CHODL: variants seen among roughly 807,000 people sequenced by gnomAD.
The protein encoded by CHODL is transmembrane protein MT75.
Under a neutral mutation model 34.5 loss-of-function variants are expected in CHODL, and 29 were observed. The observed-to-expected ratio is 0.84, with a 90% CI of 0.63 to 1.15. CHODL has a LOEUF of 1.15. Among genes scored for constraint, CHODL ranks in the 50% most tolerant of loss-of-function variants. The pLI, the probability that CHODL is intolerant of heterozygous loss-of-function variation, is 0.00. For synonymous variants in CHODL, 125 were observed against 116.1 expected (o/e 1.08, Z -0.49); for missense variants, 332 against 332.5 (o/e 1.00, Z 0.01).
intron 2 of CHODL, among the ~76,000 whole-genome samples, chr21:18,042,785 G>A (rs1255817929): frequency 1.3e-5 from 2 of 151,786 alleles, no homozygotes; most frequent in Non-Finnish European, 2.9e-5. Context: ...ATAGTTGCTG[G>A]GACACGAATA....
intron 2 of CHODL, among the ~76,000 whole-genome samples, chr21:18,083,643 G>A (rs1340562341): frequency 1.3e-5 from 2 of 152,202 alleles, no homozygotes; most frequent in Non-Finnish European, 2.9e-5. Flanking sequence ...CCCTGGATGT[G>A]AGACATGGAG....
chr21:18,075,195 C>T (rs1406057615), intron 2 of CHODL, among the ~76,000 whole-genome samples: 1 of 152,150 alleles, frequency 6.6e-6, no homozygotes, highest in Non-Finnish European at 1.5e-5. Flanking sequence ...CTAAAGAATG[C>T]TCTCAGCCTC....
intron 1 of CHODL, among the ~76,000 whole-genome samples, chr21:17,974,048 T>C (rs1203074299): frequency 6.6e-6 from 1 of 152,180 alleles, no homozygotes; most frequent in African/African-American, 2.4e-5. Flanking sequence ...GTGAGATTCC[T>C]CCAGGAAGGG....
chr21:18,264,456 G>A (rs895505349), intron 5 of CHODL, among the ~76,000 whole-genome samples: 1 of 151,986 alleles, frequency 6.6e-6, no homozygotes, highest in Non-Finnish European at 1.5e-5. Context: ...ACAAAAAATA[G>A]CCAGGCGTGG....
intron 1 of CHODL, among the ~76,000 whole-genome samples, chr21:18,007,046 T>C (rs1328366492): frequency 6.6e-6 from 1 of 152,192 alleles, no homozygotes; most frequent in East Asian, 1.9e-4. Flanking sequence ...TGAAATGAGA[T>C]TGAAAAATCA....
At chr21:17,923,275 C>CT (rs111658435) in intron 1 of CHODL, among the ~76,000 whole-genome samples, 3,166 of 146,460 alleles carry the variant, frequency 0.022, 103 homozygotes, top group African/African-American at 0.071. Context: ...TTTTCTGCCT[C>CT]TTTTTTTTTT....
At chr21:18,208,603 C>T (rs1236904643) in intron 2 of CHODL, among the ~76,000 whole-genome samples, 1 of 152,104 alleles carries the variant, frequency 6.6e-6, no homozygotes. Flanking sequence ...AGTCTTCATA[C>T]TCTGGGCTTG....
intron 1 of CHODL, among the ~76,000 whole-genome samples, chr21:17,948,530 CTAAA>C (rs1038475625): frequency 6.6e-6 from 1 of 151,182 alleles, no homozygotes; most frequent in African/African-American, 2.4e-5. Flanking sequence ...TTTAGCTAGA[CTAAA>C]TAAGAAAAAA....
At chr21:17,921,155 A>G (rs1412404097) in intron 1 of CHODL, among the ~76,000 whole-genome samples, 8 of 152,224 alleles carry the variant, frequency 5.3e-5, no homozygotes, top group Non-Finnish European at 1.2e-4. Context: ...CAAAATCTGC[A>G]GTGTGAACTG....
At chr21:17,988,248 G>A (rs2063768829) in intron 1 of CHODL, among the ~76,000 whole-genome samples, 1 of 152,046 alleles carries the variant, frequency 6.6e-6, no homozygotes, top group South Asian at 2.1e-4. Context: ...GATCTTGCTT[G>A]CCTTGTTGAT....
intron 2 of CHODL, among the ~76,000 whole-genome samples, chr21:18,180,601 C>G (rs1243173825): frequency 6.6e-6 from 1 of 152,198 alleles, no homozygotes; most frequent in African/African-American, 2.4e-5. Context: ...ACAATATTAT[C>G]TCAGAAGGAC....
At chr21:18,041,858 TG>T (rs1440739532) in intron 2 of CHODL, among the ~76,000 whole-genome samples, 1 of 151,926 alleles carries the variant, frequency 6.6e-6, no homozygotes, top group Non-Finnish European at 1.5e-5. Context: ...GGCTTTTATA[TG>T]TGCTAAAGGG....
intron 2 of CHODL, among the ~76,000 whole-genome samples, chr21:18,190,710 A>G (rs1435882734): frequency 6.6e-6 from 1 of 152,216 alleles, no homozygotes; most frequent in Non-Finnish European, 1.5e-5. Context: ...TTGATATGTC[A>G]TCATATCACG....
At chr21:18,064,968 T>C (rs905767953) in intron 2 of CHODL, among the ~76,000 whole-genome samples, 8 of 152,218 alleles carry the variant, frequency 5.3e-5, no homozygotes, top group African/African-American at 9.6e-5. Context: ...AATTATTCTA[T>C]CTTTGTGTGT....
chr21:17,967,901 T>C (rs1258377540), intron 1 of CHODL, among the ~76,000 whole-genome samples: 2 of 152,162 alleles, frequency 1.3e-5, no homozygotes, highest in African/African-American at 4.8e-5. Context: ...GCCTACCTTG[T>C]TGGTTGATAC....
intron 2 of CHODL, among the ~76,000 whole-genome samples, chr21:18,061,257 G>A (rs1378164086): frequency 2.0e-5 from 3 of 152,106 alleles, no homozygotes; most frequent in Admixed American, 6.5e-5. Context: ...TGGTTCAGAC[G>A]CTTAGCAAAT....
intron 2 of CHODL, among the ~76,000 whole-genome samples, chr21:18,151,988 CTGTG>C (rs71941239): frequency 0.56 from 81,516 of 146,356 alleles, 24,782 homozygotes; most frequent in Non-Finnish European, 0.71. Flanking sequence ...GTATATAACT[CTGTG>C]TGTGTGTGTG....
In CHODL at chr21:18,263,901, C is replaced by CTTTTTTT. The variant is rs34968795; in HGVS notation, c.737+1017_737+1023dup. Among the ~76,000 whole-genome samples, 799 of 141,302 alleles carry CTTTTTTT rather than the reference C, an allele frequency of 5.7e-3. 5 individuals carry two copies. The highest frequency in any genetic ancestry group is 0.019 in the African/African-American group (740 of 38,364). 92.7% of individuals were successfully genotyped at this position (141,302 alleles called of 152,430 possible). ...TCTACACAAAAGCCACATTAATAAC[C>CTTTTTTT]TTTTTTTTTTTTTTTACCATTTAGA... On this transcript the variant is annotated intron_variant, in intron 5 of 5. Transcript: ENST00000299295.
At chr21:18,209,957 C>G (rs560577367) in intron 2 of CHODL, among the ~76,000 whole-genome samples, 1 of 152,228 alleles carries the variant, frequency 6.6e-6, no homozygotes, top group East Asian at 1.9e-4. Context: ...AGAATTTTCT[C>G]CTGGAGCTGC....
Sources: gnomAD v4.1 joint callset for allele counts (sites outside exome capture counted in the v4.1 genomes callset) on GRCh38, gnomAD v4.1.1 for gene constraint, MANE v1.5 for transcripts, NCBI Gene and HGNC (gene_info 2026-07-23, HGNC 2026-07-21) for gene names.